ACTN2: variants seen among roughly 807,000 people sequenced by gnomAD.
ACTN2 encodes alpha-actinin-2.
Under a neutral mutation model 113.8 loss-of-function variants are expected in ACTN2, and 39 were observed. That is an observed-to-expected ratio of 0.34 (90% CI 0.27 to 0.45). The LOEUF is 0.45. Among genes scored for constraint, ACTN2 ranks in the 20% least tolerant of loss-of-function variants. The probability of loss-of-function intolerance (pLI) is 1.00; values close to 1 mark genes in which losing one functional copy is unlikely to be tolerated. For missense variants in ACTN2, 992 were observed against 1,177.9 expected, an observed-to-expected ratio of 0.84 and a Z score of 2.31; for synonymous variants, 429 against 444.1, an observed-to-expected ratio of 0.97 and a Z score of 0.43.
At position 236,733,017 on chromosome 1, in the gene ACTN2, A is replaced by G. The variant is rs116840225; in HGVS notation, c.697+1703A>G. 1.7e-3 allele frequency among the ~76,000 whole-genome samples: 265 copies of G among 152,322 alleles called. 2 individuals are homozygous for G. The highest frequency in any genetic ancestry group is 6.2e-3 in the African/African-American group (258 of 41,556). Reference sequence around the variant, plus strand: ...TTATTGGCTATTAATACTTGAATGCATTATTCGGAATTCTACTTATAGTTT... The same window carrying G: ...TTATTGGCTATTAATACTTGAATGCGTTATTCGGAATTCTACTTATAGTTT... On this transcript the variant is annotated intron_variant, in intron 7 of 20. Transcript: ENST00000366578.
intron 1 of ACTN2, among the ~76,000 whole-genome samples, chr1:236,715,881 G>C (rs527273152): frequency 6.6e-6 from 1 of 152,140 alleles, no homozygotes; most frequent in Non-Finnish European, 1.5e-5. Context: ...ACTTGAACTC[G>C]GGAGGCGGAG....
intron 1 of ACTN2, among the ~76,000 whole-genome samples, chr1:236,701,278 A>G (rs1427826362): frequency 6.6e-6 from 1 of 152,186 alleles, no homozygotes; most frequent in Non-Finnish European, 1.5e-5. Flanking sequence ...TAATTTGTAC[A>G]TAGGGTAGTA....
At chr1:236,703,376 T>C (rs1423380907) in intron 1 of ACTN2, among the ~76,000 whole-genome samples, 2 of 151,656 alleles carry the variant, frequency 1.3e-5, no homozygotes, top group Non-Finnish European at 2.9e-5. Context: ...TTAGAAAATC[T>C]TGAAGCTCAA....
intron 1 of ACTN2, among the ~76,000 whole-genome samples, chr1:236,706,943 A>G (rs1295853556): frequency 6.6e-6 from 1 of 152,164 alleles, no homozygotes; most frequent in East Asian, 1.9e-4. Flanking sequence ...TTGATTAATA[A>G]TACGTATGCA....
chr1:236,704,309 C>T (rs1443738406), intron 1 of ACTN2, among the ~76,000 whole-genome samples: 1 of 152,192 alleles, frequency 6.6e-6, no homozygotes, highest in Non-Finnish European at 1.5e-5. Context: ...ACCCAGAAGA[C>T]TTCTGTGACC....
chr1:236,750,522 G>C (rs1195830976), intron 14 of ACTN2, among the ~76,000 whole-genome samples: 1 of 152,168 alleles, frequency 6.6e-6, no homozygotes, highest in African/African-American at 2.4e-5. Context: ...CAGCTGACCT[G>C]TTGCTGCACC....
chr1:236,724,328 C>T (rs74363192), intron 4 of ACTN2, among the ~76,000 whole-genome samples: 1 of 152,330 alleles, frequency 6.6e-6, no homozygotes, highest in East Asian at 1.9e-4. Flanking sequence ...CAAATACAGG[C>T]ACATTAGGGT....
chr1:236,729,648 G>T (rs1572123871), intron 6 of ACTN2, among the ~76,000 whole-genome samples: 2 of 152,168 alleles, frequency 1.3e-5, no homozygotes, highest in African/African-American at 4.8e-5. Context: ...TATCCTAAAG[G>T]TTAAGAATGA....
At chr1:236,755,293 C>A in intron 17 of ACTN2, 95 bp downstream of exon 17, 1 of 1,383,334 alleles carries the variant, frequency 7.2e-7, no homozygotes, top group South Asian at 1.2e-5. Context: ...TTTCTTTGTT[C>A]CTGTTAAGAC....
Position 236,720,116 on chromosome 1 carries a change from G to A in ACTN2, c.373G>A (p.Gly125Ser). 6.2e-7 allele frequency: 1 copy of A among 1,610,488 alleles called. No homozygotes were observed. ...VSIGAEEIVD[G>S]NVKMTLGMIW... is the part of the protein sequence containing the mutation. ...TTTCTTACCTGCAGAAATTGTTGAT[G>A]GCAACGTGAAAATGACCCTGGGTAT... Residue 125 changes from glycine to serine, a missense_variant, in exon 4 of 21, where the codon GGC (glycine) becomes AGC (serine). Gly to Ser is a moderately conservative substitution (Grantham distance 56). Around this residue, in one of 3 missense-constraint regions of ACTN2, gnomAD observed 220 missense variants for 337.5 expected, o/e 0.65. Coordinates refer to ENST00000366578, the MANE Select transcript of ACTN2 (RefSeq NM_001103.4).
chr1:236,752,859 A>C (rs1659440921), intron 15 of ACTN2, among the ~76,000 whole-genome samples: 1 of 152,220 alleles, frequency 6.6e-6, no homozygotes, highest in African/African-American at 2.4e-5. Context: ...GGGCAGAAAT[A>C]TATCATTTTT....
chr1:236,751,471 G>C lies in ACTN2; in HGVS notation c.1658G>C (p.Ser553Thr), dbSNP rs778767257. The change falls in exon 15 of 21, where the codon AGT becomes ACT. Residue 553 changes from serine to threonine, a missense_variant and splice_region_variant. Around this residue, in one of 3 missense-constraint regions of ACTN2, gnomAD observed 736 missense variants for 815.4 expected, o/e 0.90. Coordinates refer to ENST00000366578, the MANE Select transcript of ACTN2 (RefSeq NM_001103.4). Reference sequence around the variant, plus strand: ...TCTCCACTTGTGTCTCGGGTGTAGAGTCTGATCACTGCGCATGAGCAGTTC... The same window carrying C: ...TCTCCACTTGTGTCTCGGGTGTAGACTCTGATCACTGCGCATGAGCAGTTC... ...FIVHSIEEIQ[S>T]LITAHEQFKA... The C allele has an allele frequency of 4.3e-6, 7 of 1,613,966 alleles. No individual in the cohort carries two copies. The East Asian group carries it at 1.3e-4, about 31-fold the overall frequency.
intron 7 of ACTN2, among the ~76,000 whole-genome samples, chr1:236,732,429 T>TTC (rs201287743): frequency 0.065 from 9,757 of 150,642 alleles, 364 homozygotes; most frequent in Admixed American, 0.13. Flanking sequence ...CTTTTTCTTT[T>TTC]TATTTTTTAT....
intron 15 of ACTN2, 29 bp from the exon 16 acceptor site, chr1:236,753,918 T>C (rs769400295): frequency 7.2e-7 from 1 of 1,382,294 alleles, no homozygotes. Context: ...AGCTGGCCTC[T>C]AACCCTTGTT....
At position 236,762,485 on chromosome 1, in the gene ACTN2, C is replaced by T. The variant is rs141563497; in HGVS notation, c.2551C>T (p.Arg851Cys). The change falls in exon 21 of 21, where the codon CGT becomes TGT. Residue 851 changes from arginine to cysteine, a missense_variant. Physicochemically the swap from Arg to Cys is radical, Grantham distance 180. Transcript: ENST00000366578. ...DKPYILAEELRRELPPDQAQY... is the reference protein window; with the variant it reads ...DKPYILAEELCRELPPDQAQY... ...GCCATACATCCTGGCGGAGGAGCTG[C>T]GTCGGGAGCTGCCCCCGGATCAGGC... The T allele has an allele frequency of 9.5e-5, 154 of 1,614,160 alleles. No individual in the cohort carries two copies. Among genetic ancestry groups the T allele is most frequent in the South Asian group, 4.8e-4 (44 of 91,082 alleles).
At chr1:236,710,791 T>G (rs774961186) in intron 1 of ACTN2, among the ~76,000 whole-genome samples, 57 of 152,336 alleles carry the variant, frequency 3.7e-4, no homozygotes, top group Admixed American at 2.7e-3. Flanking sequence ...CAAACCCTAC[T>G]GTGAACTGTG....
intron 1 of ACTN2, among the ~76,000 whole-genome samples, chr1:236,690,237 A>G (rs1572089867): frequency 6.6e-6 from 1 of 152,158 alleles, no homozygotes; most frequent in Non-Finnish European, 1.5e-5. Flanking sequence ...CAGGGTTCGG[A>G]TTAAATAGAG....
chr1:236,722,413 G>A (rs763918817), intron 4 of ACTN2, among the ~76,000 whole-genome samples: 100 of 152,156 alleles, frequency 6.6e-4, no homozygotes, highest in Admixed American at 1.1e-3. Flanking sequence ...AAGGTGAGTG[G>A]ATCATGAGGT....
chr1:236,715,613 G>T (rs969453633), intron 1 of ACTN2, among the ~76,000 whole-genome samples: 6 of 151,984 alleles, frequency 3.9e-5, no homozygotes, highest in Non-Finnish European at 7.4e-5. Context: ...AAGTTTAAGT[G>T]GCTACTTCTG....
Sources: gnomAD v4.1 joint callset for allele counts (sites outside exome capture counted in the v4.1 genomes callset) on GRCh38, gnomAD v4.1.1 for gene constraint, gnomAD v4.1.1 regional missense constraint, MANE v1.5 for transcripts, NCBI Gene and HGNC (gene_info 2026-07-23, HGNC 2026-07-21) for gene names.